Variants in INTU observed in about 807,000 individuals in gnomAD.
INTU encodes the protein protein inturned.
INTU carries 68 observed loss-of-function variants against 100.5 expected under a neutral mutation model. The ratio of observed to expected loss-of-function variants is 0.68; its 90% CI spans 0.56 to 0.83. INTU has a LOEUF of 0.83. INTU is among the 40% of genes least tolerant of loss of function. The pLI is 0.00. For synonymous variants in INTU, 357 were observed against 395.7 expected, an observed-to-expected ratio of 0.90 and a Z score of 1.16; for missense variants, 1,071 against 1,114.7, an observed-to-expected ratio of 0.96 and a Z score of 0.56.
rs1731412146 is a variant in INTU at position 127,726,038 on chromosome 4, A to C, written c.*9602A>C. 1 of 152,236 alleles carries C rather than the reference A, an allele frequency of 6.6e-6. No homozygotes were observed. Among genetic ancestry groups the C allele is most frequent in the Non-Finnish European group, 1.5e-5 (1 of 68,032 alleles). The allele number at this position is 152,236 out of a possible 1,614,324, so 9.4% of individuals were successfully genotyped here. A position where few individuals can be genotyped will look rare whatever the true frequency, so the allele number is the denominator to read the frequency against. On this transcript the variant is annotated 3_prime_UTR_variant, in exon 16 of 16. Transcript: ENST00000335251. Reference sequence around the variant, plus strand: ...AGTATGCAAATGTTCCCTTCCACCAACAACTATTAATGTGAAAAACTATAT... The same window carrying C: ...AGTATGCAAATGTTCCCTTCCACCACCAACTATTAATGTGAAAAACTATAT...
In INTU at chr4:127,710,993, T is replaced by A; in HGVS notation, c.2450T>A (p.Leu817His). 6.2e-7 allele frequency: 1 copy of A among 1,607,254 alleles called. No homozygotes were observed. The highest frequency in any genetic ancestry group is 8.5e-7 in the Non-Finnish European group (1 of 1,175,376). ...TVQGIFITPTLEEVAQLSGSI... is the reference protein window; with the variant it reads ...TVQGIFITPTHEEVAQLSGSI... ...CAAGGAATCTTTATTACTCCTACCCTTGAAGAGGTGGCACAGCTAAGTGGC... is the reference window on the plus strand; with the variant it reads ...CAAGGAATCTTTATTACTCCTACCCATGAAGAGGTGGCACAGCTAAGTGGC... The change falls in exon 14 of 16, where the codon CTT becomes CAT. Residue 817 changes from leucine (L) to histidine (H), a missense_variant. By Grantham distance (99) the Leu-to-His change is moderately conservative. Coordinates refer to ENST00000335251, the MANE Select transcript of INTU (RefSeq NM_015693.4).
chr4:127,653,968 A>T (rs1021995923), intron 2 of INTU, among the ~76,000 whole-genome samples: 11 of 151,376 alleles, frequency 7.3e-5, no homozygotes, highest in African/African-American at 2.7e-4. Flanking sequence ...TCCCTTTACC[A>T]TTATGTAATG....
chr4:127,643,374 A>G lies in INTU; in HGVS notation c.147-147A>G, dbSNP rs1454628948. ...TTGAGGATCACAATAAATTAGAAAT[A>G]GTAAGGATAATTTGAAATAATAAAG... On this transcript the variant is annotated intron_variant, in intron 1 of 15. Transcript: ENST00000335251. 4 of 546,042 alleles carry G rather than the reference A, an allele frequency of 7.3e-6. No individual in the cohort carries two copies. In the East Asian group the frequency reaches 1.2e-4, roughly 16 times the overall value. The allele number at this position is 546,042 out of a possible 1,614,324, so 33.8% of individuals were successfully genotyped here. A position where few individuals can be genotyped will look rare whatever the true frequency, so the allele number is the denominator to read the frequency against.
intron 6 of INTU, among the ~76,000 whole-genome samples, chr4:127,676,857 G>A (rs141935517): frequency 0.038 from 5,719 of 152,254 alleles, 368 homozygotes; most frequent in African/African-American, 0.13. Context: ...AAAGAAAGGG[G>A]TGACAGACAG....
chr4:127,692,947 G>A (rs1336761204), intron 8 of INTU, among the ~76,000 whole-genome samples: 1 of 151,672 alleles, frequency 6.6e-6, no homozygotes, highest in Non-Finnish European at 1.5e-5. Flanking sequence ...TGTTCTATGT[G>A]CCTAATTTTT....
At chr4:127,683,635 C>T (rs1208652342) in intron 6 of INTU, among the ~76,000 whole-genome samples, 1 of 152,082 alleles carries the variant, frequency 6.6e-6, no homozygotes, top group African/African-American at 2.4e-5. Flanking sequence ...GGGTGGGGCA[C>T]ATGATCGAGG....
intron 2 of INTU, among the ~76,000 whole-genome samples, chr4:127,650,585 G>A (rs1727809440): frequency 6.6e-6 from 1 of 151,956 alleles, no homozygotes; most frequent in Admixed American, 6.6e-5. Context: ...ATTCCATGGT[G>A]TATATGTGCC....
At chr4:127,661,940 TC>T (rs1560842545) in intron 3 of INTU, among the ~76,000 whole-genome samples, 1 of 152,142 alleles carries the variant, frequency 6.6e-6, no homozygotes, top group Non-Finnish European at 1.5e-5. Flanking sequence ...CCACGTCTGC[TC>T]CATCTATTGT....
intron 1 of INTU, among the ~76,000 whole-genome samples, chr4:127,638,922 T>A (rs1338323891): frequency 6.6e-6 from 1 of 152,186 alleles, no homozygotes; most frequent in Non-Finnish European, 1.5e-5. Flanking sequence ...AGTGCTGAAA[T>A]ATGACCCATG....
chr4:127,684,708 T>C (rs1341168331), intron 7 of INTU, among the ~76,000 whole-genome samples: 3 of 151,820 alleles, frequency 2.0e-5, no homozygotes, highest in Non-Finnish European at 4.4e-5. Context: ...TCCTTCTTTT[T>C]CTCCTTCCTC....
chr4:127,680,857 T>C (rs1212086411), intron 6 of INTU, among the ~76,000 whole-genome samples: 8 of 151,882 alleles, frequency 5.3e-5, no homozygotes, highest in African/African-American at 1.9e-4. Context: ...AAAACCCCAT[T>C]GTCTCAGCCT....
chr4:127,640,544 T>C (rs1275473332), intron 1 of INTU, among the ~76,000 whole-genome samples: 1 of 3,570 alleles, frequency 2.8e-4, no homozygotes, highest in African/African-American at 5.1e-4. Flanking sequence ...TAAAGATACA[T>C]ATATATATAT....
At chr4:127,671,655 C>T (rs2126209680) in intron 5 of INTU, among the ~76,000 whole-genome samples, 1 of 152,032 alleles carries the variant, frequency 6.6e-6, no homozygotes, top group African/African-American at 2.4e-5. Flanking sequence ...AAAAAGGTAC[C>T]TGCACTCATA....
rs569842034 is a variant in INTU, at chr4:127,694,262, G to T, written c.1450-5748G>T. Among the ~76,000 whole-genome samples the T allele has an allele frequency of 5.3e-5, 8 of 151,642 alleles. No homozygotes were observed. In the East Asian group the frequency reaches 1.5e-3, roughly 29 times the overall value. The stretch of plus-strand genomic sequence containing the variant: ...CAATCTCGCTACTTGTTATTTGTCT[G>T]TTCAGAGATCCTATATCTTCCTTGT... On this transcript the variant is annotated intron_variant, in intron 8 of 15. Transcript: ENST00000335251.
At chr4:127,649,395 G>A (rs1276326726) in intron 2 of INTU, among the ~76,000 whole-genome samples, 1 of 152,126 alleles carries the variant, frequency 6.6e-6, no homozygotes, top group Admixed American at 6.6e-5. Flanking sequence ...CAATGCCTCG[G>A]CTTGTAAGAT....
intron 3 of INTU, among the ~76,000 whole-genome samples, chr4:127,657,869 G>A (rs1364433553): frequency 6.6e-6 from 1 of 152,018 alleles, no homozygotes; most frequent in East Asian, 1.9e-4. Context: ...TAGAAATAAA[G>A]TGCACAATAA....
chr4:127,673,255 C>T (rs1322752023), intron 5 of INTU, among the ~76,000 whole-genome samples: 1 of 152,030 alleles, frequency 6.6e-6, no homozygotes, highest in Non-Finnish European at 1.5e-5. Flanking sequence ...TGGCTAACCG[C>T]AGCCTTGACC....
At chr4:127,713,271 G>T (rs914287580) in intron 14 of INTU, among the ~76,000 whole-genome samples, 2 of 152,136 alleles carry the variant, frequency 1.3e-5, no homozygotes, top group African/African-American at 4.8e-5. Context: ...ATGGCTTCTG[G>T]ACTGTGGATA....
At chr4:127,677,802 C>T (rs1162793232) in intron 6 of INTU, among the ~76,000 whole-genome samples, 19 of 152,052 alleles carry the variant, frequency 1.2e-4, no homozygotes, top group South Asian at 6.3e-4. Context: ...CAAACTACTC[C>T]GAGCTACAGG....
Sources: gnomAD v4.1 joint callset for allele counts (sites outside exome capture counted in the v4.1 genomes callset) on GRCh38, gnomAD v4.1.1 for gene constraint, MANE v1.5 for transcripts, NCBI Gene and HGNC (gene_info 2026-07-23, HGNC 2026-07-21) for gene names.